ZNF407: variants seen among roughly 807,000 people sequenced by gnomAD.
ZNF407 encodes zinc finger protein 407.
ZNF407 carries 17 observed loss-of-function variants against 131.2 expected under a neutral mutation model. That is an observed-to-expected ratio of 0.13 (90% CI 0.09 to 0.19). The LOEUF (loss-of-function observed/expected upper bound fraction) is 0.19. Ranked by LOEUF, ZNF407 falls within the 10% of genes least tolerant of loss-of-function variation. The probability of loss-of-function intolerance (pLI) is 1.00; values close to 1 mark genes in which losing one functional copy is unlikely to be tolerated. For missense variants in ZNF407, 2,681 were observed against 2,830.6 expected (o/e 0.95, Z 1.20); for synonymous variants, 1,156 against 1,062.0 (o/e 1.09, Z -1.72).
intron 1 of ZNF407, among the ~76,000 whole-genome samples, chr18:74,629,926 C>G (rs11877473): frequency 6.6e-6 from 1 of 152,016 alleles, no homozygotes; most frequent in African/African-American, 2.4e-5. Flanking sequence ...AAATTTACTC[C>G]ATTAATTCTA....
At chr18:74,764,655 A>T (rs1369689742) in intron 3 of ZNF407, among the ~76,000 whole-genome samples, 1 of 152,230 alleles carries the variant, frequency 6.6e-6, no homozygotes, top group Non-Finnish European at 1.5e-5. Context: ...TGCATAGGTT[A>T]TGTGCAAAAG....
At chr18:74,936,676 A>G (rs1972043865) in intron 8 of ZNF407, among the ~76,000 whole-genome samples, 1 of 152,222 alleles carries the variant, frequency 6.6e-6, no homozygotes, top group African/African-American at 2.4e-5. Flanking sequence ...TTTAAAACCT[A>G]TACCGAAAGA....
intron 8 of ZNF407, among the ~76,000 whole-genome samples, chr18:75,003,987 C>T (rs532384258): frequency 2.0e-5 from 3 of 152,306 alleles, no homozygotes; most frequent in Admixed American, 6.5e-5. Context: ...TGCTTATCTC[C>T]CCTCTCCCCA....
intron 7 of ZNF407, among the ~76,000 whole-genome samples, chr18:74,915,636 G>A (rs1451234977): frequency 1.5e-5 from 2 of 129,048 alleles, no homozygotes; most frequent in Admixed American, 7.6e-5. Flanking sequence ...GTGTGTGTGT[G>A]TGCGTGCATG....
intron 3 of ZNF407, among the ~76,000 whole-genome samples, chr18:74,644,450 T>C (rs919128351): frequency 5.3e-5 from 8 of 151,898 alleles, no homozygotes; most frequent in South Asian, 2.1e-4. Context: ...ATTACATCCA[T>C]GATCTTTACC....
chr18:74,841,976 TTTAATA>T, intron 4 of ZNF407, among the ~76,000 whole-genome samples: 1 of 152,370 alleles, frequency 6.6e-6, no homozygotes, highest in African/African-American at 2.4e-5. Context: ...TGGATTACAG[TTTAATA>T]TTATGTTCCT....
At chr18:74,737,320 A>T (rs1310200500) in intron 3 of ZNF407, among the ~76,000 whole-genome samples, 1 of 152,252 alleles carries the variant, frequency 6.6e-6, no homozygotes, top group African/African-American at 2.4e-5. Flanking sequence ...TGGGGAAAAT[A>T]AATTCACTCA....
At chr18:74,994,647 A>G (rs553980866) in intron 8 of ZNF407, among the ~76,000 whole-genome samples, 1 of 152,270 alleles carries the variant, frequency 6.6e-6, no homozygotes, top group African/African-American at 2.4e-5. Flanking sequence ...TCATGTTTAG[A>G]TTCTCAAACG....
chr18:74,933,008 G>C (rs1972000391), intron 8 of ZNF407, among the ~76,000 whole-genome samples: 2 of 152,102 alleles, frequency 1.3e-5, no homozygotes, highest in African/African-American at 4.8e-5. Flanking sequence ...ATGAAACGTA[G>C]AATTACCGTA....
At chr18:74,659,724 A>G (rs1311281516) in intron 3 of ZNF407, among the ~76,000 whole-genome samples, 2 of 152,148 alleles carry the variant, frequency 1.3e-5, no homozygotes, top group African/African-American at 2.4e-5. Flanking sequence ...CAGGTTTTGC[A>G]TTTTGAACAG....
chr18:74,852,257 T>C (rs1454887983), intron 4 of ZNF407, among the ~76,000 whole-genome samples: 9 of 152,084 alleles, frequency 5.9e-5, no homozygotes, highest in Admixed American at 5.9e-4. Context: ...TCTAAAATAA[T>C]TTAACAGAAA....
intron 8 of ZNF407, among the ~76,000 whole-genome samples, chr18:74,948,180 G>T (rs890704048): frequency 6.6e-6 from 1 of 152,228 alleles, no homozygotes; most frequent in African/African-American, 2.4e-5. Flanking sequence ...CTACTCAGAA[G>T]AGCAAATTCT....
chr18:74,673,891 A>C (rs932792535), intron 3 of ZNF407, among the ~76,000 whole-genome samples: 23 of 152,210 alleles, frequency 1.5e-4, no homozygotes, highest in African/African-American at 5.5e-4. Context: ...CATGGTTCTA[A>C]ATATTTACAT....
intron 4 of ZNF407, among the ~76,000 whole-genome samples, chr18:74,807,752 T>C (rs1055780688): frequency 2.6e-5 from 4 of 152,232 alleles, no homozygotes; most frequent in African/African-American, 9.6e-5. Context: ...CTTCTTGAAC[T>C]CACATCCCTT....
intron 1 of ZNF407, among the ~76,000 whole-genome samples, chr18:74,630,710 T>C (rs1984019811): frequency 6.6e-6 from 1 of 152,202 alleles, no homozygotes; most frequent in Admixed American, 6.5e-5. Context: ...GGAGTTTTTC[T>C]GCAAGCTTGT....
intron 8 of ZNF407, among the ~76,000 whole-genome samples, chr18:74,958,897 A>C (rs1208173505): frequency 1.3e-5 from 2 of 152,092 alleles, no homozygotes; most frequent in Non-Finnish European, 2.9e-5. Flanking sequence ...GCACACAAAA[A>C]CTCTTTCAAT....
Position 74,631,333 on chromosome 18 carries a change from G to A in ZNF407, c.314G>A (p.Gly105Asp). 6 of 1,613,996 alleles carry A rather than the reference G, an allele frequency of 3.7e-6. No homozygotes were observed. The highest frequency in any genetic ancestry group is 5.1e-6 in the Non-Finnish European group (6 of 1,179,886). ...ETSESSVTEG[G>D]IALDETGKET... ...TCTGAGAGCTCAGTCACAGAAGGGG[G>A]TATTGCATTAGATGAAACAGGGAAG... The change falls in exon 2 of 9, where the codon GGT (glycine) becomes GAT (aspartate). Residue 105 changes from glycine to aspartate, a missense_variant. Gly to Asp is a moderately conservative substitution (Grantham distance 94). Coordinates refer to ENST00000299687, the MANE Select transcript of ZNF407 (RefSeq NM_017757.3).
intron 7 of ZNF407, among the ~76,000 whole-genome samples, chr18:74,910,796 T>C (rs912428990): frequency 5.6e-4 from 85 of 152,314 alleles, no homozygotes; most frequent in African/African-American, 1.9e-3. Flanking sequence ...TCTTTGGCTG[T>C]CTGTTTAGTC....
intron 8 of ZNF407, among the ~76,000 whole-genome samples, chr18:74,940,473 A>G (rs1972084521): frequency 6.6e-6 from 1 of 152,096 alleles, no homozygotes; most frequent in South Asian, 2.1e-4. Flanking sequence ...GGTTCTGTGC[A>G]GCTAGAGGGA....
Sources: allele counts gnomAD v4.1 joint callset (sites outside exome capture counted in the v4.1 genomes callset), GRCh38; gene constraint gnomAD v4.1.1; transcripts MANE v1.5; gene names NCBI Gene and HGNC (gene_info 2026-07-23, HGNC 2026-07-21).